FAM184B: variants seen among roughly 807,000 people sequenced by gnomAD.
FAM184B encodes protein FAM184B.
In FAM184B, 111 loss-of-function variants were observed where a neutral mutation model predicts 135.9. The observed-to-expected ratio is 0.82, with a 90% confidence interval of 0.70 to 0.96. FAM184B has a LOEUF of 0.96. Ranked by LOEUF, FAM184B falls within the 40% of genes least tolerant of loss-of-function variation. The pLI, the probability that FAM184B is intolerant of heterozygous loss-of-function variation, is 0.00. For missense variants in FAM184B, 1,375 were observed against 1,323.9 expected (o/e 1.04, Z -0.60); for synonymous variants, 552 against 524.8 (o/e 1.05, Z -0.71).
At chr4:17,739,555 G>GTTTTGTTTTTTTTTTT (rs1553841420) in intron 1 of FAM184B, among the ~76,000 whole-genome samples, 1 of 62,510 alleles carries the variant, frequency 1.6e-5, no homozygotes, top group African/African-American at 6.2e-5. Context: ...CATACCAACT[G>GTTTTGTTTTTTTTTTT]TTTTTTTTTT....
At chr4:17,742,363 G>A (rs990997834) in intron 1 of FAM184B, among the ~76,000 whole-genome samples, 3 of 151,870 alleles carry the variant, frequency 2.0e-5, no homozygotes, top group African/African-American at 7.3e-5. Context: ...GAGCTCAGGA[G>A]GTTGAGGCTG....
At chr4:17,770,344 G>A (rs1434662476) in intron 1 of FAM184B, among the ~76,000 whole-genome samples, 1 of 152,222 alleles carries the variant, frequency 6.6e-6, no homozygotes, top group Non-Finnish European at 1.5e-5. Flanking sequence ...GGTGAAGGTG[G>A]CTCCGACTAT....
At chr4:17,709,723 C>T in intron 1 of FAM184B, 79 bp from the exon 2 acceptor site, 2 of 1,303,364 alleles carry the variant, frequency 1.5e-6, no homozygotes, top group Non-Finnish European at 1.0e-6. Context: ...GCAATATTCT[C>T]CTGCATGGCG....
chr4:17,682,245 G>C (rs1716459306), intron 7 of FAM184B, among the ~76,000 whole-genome samples: 1 of 152,158 alleles, frequency 6.6e-6, no homozygotes, highest in South Asian at 2.1e-4. Flanking sequence ...CCCTCAGAAT[G>C]ATTATGACTA....
intron 1 of FAM184B, among the ~76,000 whole-genome samples, chr4:17,771,103 T>A (rs781699787): frequency 1.6e-4 from 25 of 152,234 alleles, no homozygotes; most frequent in Non-Finnish European, 3.4e-4. Flanking sequence ...CATTCTTGCG[T>A]CATTTCTCTT....
chr4:17,765,378 C>T (rs945110423), intron 1 of FAM184B, among the ~76,000 whole-genome samples: 2 of 151,988 alleles, frequency 1.3e-5, no homozygotes, highest in Admixed American at 6.6e-5. Context: ...TAGAATCAAA[C>T]GAGGGGCCAC....
intron 1 of FAM184B, among the ~76,000 whole-genome samples, chr4:17,771,711 C>T (rs558989279): frequency 1.3e-5 from 2 of 152,220 alleles, no homozygotes; most frequent in Non-Finnish European, 2.9e-5. Context: ...ACAGGCATCA[C>T]TCCTCCTGCC....
At chr4:17,708,709 A>AGTGTGT (rs1717175145) in intron 2 of FAM184B, among the ~76,000 whole-genome samples, 183 bp downstream of exon 2, 1 of 38,854 alleles carries the variant, frequency 2.6e-5, no homozygotes, top group African/African-American at 1.0e-4. Context: ...ATATATATAT[A>AGTGTGT]GTGTCTGTGT....
chr4:17,748,422 C>A (rs1718222713), intron 1 of FAM184B, among the ~76,000 whole-genome samples: 1 of 151,544 alleles, frequency 6.6e-6, no homozygotes, highest in Non-Finnish European at 1.5e-5. Context: ...ACTCTTTGGT[C>A]CATTGATATA....
chr4:17,763,187 G>C (rs1718583855), intron 1 of FAM184B, among the ~76,000 whole-genome samples: 1 of 152,142 alleles, frequency 6.6e-6, no homozygotes, highest in Non-Finnish European at 1.5e-5. Flanking sequence ...ACAATGAGGA[G>C]ACTGGATACT....
chr4:17,740,343 C>A (rs1264296672), intron 1 of FAM184B, among the ~76,000 whole-genome samples: 2 of 122,666 alleles, frequency 1.6e-5, no homozygotes, highest in South Asian at 6.3e-4. Flanking sequence ...CAGAGTAAGA[C>A]CCTGTCTCAA....
chr4:17,722,624 C>A (rs1174079533), intron 1 of FAM184B, among the ~76,000 whole-genome samples: 1 of 152,138 alleles, frequency 6.6e-6, no homozygotes, highest in Non-Finnish European at 1.5e-5. Flanking sequence ...AGGGTGGGCT[C>A]CCAGGAAGGT....
chr4:17,632,249 A>T lies in FAM184B; in HGVS notation c.*283T>A, dbSNP rs1456221723. 5.4e-6 allele frequency: 1 copy of T among 184,516 alleles called. No homozygotes were observed. The highest frequency in any genetic ancestry group is 5.7e-5 in the Admixed American group (1 of 17,624). The allele number at this position is 184,516 out of a possible 1,614,324, so 11.4% of individuals were successfully genotyped here. ...GCCACCATGCCTGGCTAATTTTTGT[A>T]TATTTTGTAGAGATGGGGTTTCACC... On this transcript the variant is annotated 3_prime_UTR_variant, in exon 18 of 18. Coordinates refer to ENST00000265018, the MANE Select transcript of FAM184B (RefSeq NM_015688.2).
At chr4:17,767,625 G>A (rs184375058) in intron 1 of FAM184B, among the ~76,000 whole-genome samples, 194 of 152,268 alleles carry the variant, frequency 1.3e-3, no homozygotes, top group African/African-American at 4.4e-3. Context: ...GCATGGTGAC[G>A]TTACACTTGG....
chr4:17,669,654 G>C (rs1716127084), intron 7 of FAM184B, among the ~76,000 whole-genome samples: 1 of 152,204 alleles, frequency 6.6e-6, no homozygotes, highest in Admixed American at 6.5e-5. Flanking sequence ...TCACTGAAAT[G>C]CTATAATAAT....
intron 5 of FAM184B, among the ~76,000 whole-genome samples, chr4:17,697,085 G>A (rs1231246188): frequency 6.6e-6 from 1 of 152,184 alleles, no homozygotes; most frequent in Non-Finnish European, 1.5e-5. Context: ...GGGGAGACTG[G>A]AGGCAGGGAA....
chr4:17,666,697 C>T (rs1011699499), intron 7 of FAM184B, among the ~76,000 whole-genome samples: 3 of 151,756 alleles, frequency 2.0e-5, no homozygotes, highest in South Asian at 2.1e-4. Context: ...TCACCTTGCT[C>T]TATGTTTTTC....
Position 17,664,611 on chromosome 4 carries a change from G to T in FAM184B, c.1645C>A (p.Gln549Lys), listed in dbSNP as rs370875381. ...CCTTCTTCAGCTGCTAACTTATCTTGATACTCCTCTCCTCTCGGCGAAGTT... is the reference window on the plus strand; with the variant it reads ...CCTTCTTCAGCTGCTAACTTATCTTTATACTCCTCTCCTCTCGGCGAAGTT... Reference protein sequence around the residue: ...DETSPRGEEYQDKLAAEEGTS... With the variant: ...DETSPRGEEYKDKLAAEEGTS... Residue 549 changes from glutamine (Q) to lysine (K), a missense_variant, in exon 8 of 18, where the codon CAA becomes AAA. By Grantham distance (53) the Gln-to-Lys change is moderately conservative. Transcript: ENST00000265018. 84 of 1,549,772 alleles carry T rather than the reference G, an allele frequency of 5.4e-5. No individual in the cohort carries two copies. In the African/African-American group the frequency reaches 1.1e-3, roughly 21 times the overall value.
chr4:17,630,289 CAT>C lies in FAM184B; in HGVS notation c.*2241_*2242del, dbSNP rs1390726408. ...GAATGTTGATGTCCCTTCCAAAATT[CAT>C]ATGTTGGAACCTAATGTCAATGTAA... On this transcript the variant is annotated 3_prime_UTR_variant, in exon 18 of 18. Coordinates refer to ENST00000265018, the MANE Select transcript of FAM184B (RefSeq NM_015688.2). The C allele has an allele frequency of 1.3e-5, 2 of 152,188 alleles. No individual in the cohort carries two copies. Among genetic ancestry groups the C allele is most frequent in the African/African-American group, 2.4e-5 (1 of 41,444 alleles). 9.4% of individuals were successfully genotyped at this position (152,188 alleles called of 1,614,324 possible).
Sources: gnomAD v4.1 joint callset for allele counts (sites outside exome capture counted in the v4.1 genomes callset) on GRCh38, gnomAD v4.1.1 for gene constraint, MANE v1.5 for transcripts, NCBI Gene and HGNC (gene_info 2026-07-23, HGNC 2026-07-21) for gene names.